ZDHHC17: variants seen among roughly 807,000 people sequenced by gnomAD.
The protein encoded by ZDHHC17 is zDHHC palmitoyltransferase 17, also known as palmitoyltransferase ZDHHC17.
Under a neutral mutation model 90.3 loss-of-function variants are expected in ZDHHC17, and 40 were observed. That is an observed-to-expected ratio of 0.44 (90% confidence interval 0.34 to 0.58). ZDHHC17 has a LOEUF of 0.58. ZDHHC17 is among the 20% of genes least tolerant of loss of function. The pLI, the probability that ZDHHC17 is intolerant of heterozygous loss-of-function variation, is 0.01. For synonymous variants in ZDHHC17, 235 were observed against 252.4 expected (o/e 0.93, Z 0.65); for missense variants, 614 against 780.8 (o/e 0.79, Z 2.55).
chr12:76,775,806 T>C (rs1243639275), intron 1 of ZDHHC17, among the ~76,000 whole-genome samples: 1 of 152,196 alleles, frequency 6.6e-6, no homozygotes. Context: ...GCATGTACAC[T>C]ATTGTTAATC....
chr12:76,808,540 G>A (rs957769310), intron 3 of ZDHHC17, among the ~76,000 whole-genome samples: 1 of 152,054 alleles, frequency 6.6e-6, no homozygotes, highest in Non-Finnish European at 1.5e-5. Context: ...TACTAAAGTT[G>A]CTATTTCCTT....
At chr12:76,810,008 A>G (rs894564862) in intron 5 of ZDHHC17, among the ~76,000 whole-genome samples, 151 bp downstream of exon 5, 1 of 152,244 alleles carries the variant, frequency 6.6e-6, no homozygotes, top group African/African-American at 2.4e-5. Flanking sequence ...ATATGGAGAT[A>G]TTTAATGTAC....
intron 10 of ZDHHC17, chr12:76,839,971 G>A (rs1247074955): frequency 1.3e-5 from 2 of 152,142 alleles, no homozygotes; most frequent in African/African-American, 4.8e-5. Context: ...AATAGCATAG[G>A]TCATATGAGT....
chr12:76,815,999 G>T lies in ZDHHC17; in HGVS notation c.751G>T (p.Val251Phe). 1.3e-6 allele frequency: 2 copies of T among 1,556,092 alleles called. No homozygotes were observed. Among genetic ancestry groups the T allele is most frequent in the Admixed American group, 2.0e-5 (1 of 50,066 alleles). The change falls in exon 7 of 17, where the codon GTT (valine) becomes TTT (phenylalanine). Residue 251 changes from valine to phenylalanine, a missense_variant. Val to Phe is a conservative substitution (Grantham distance 50). This residue lies in a region of ZDHHC17 where 358 missense variants were observed against 380.4 expected (regional missense o/e 0.94). Transcript: ENST00000426126. ...ISLLLEAGAN[V>F]DAQNIKGESA... ...CCTTCTTCTGGAAGCTGGAGCTAAT[G>T]TTGATGCCCAGAATATCAAGGTAAA...
chr12:76,848,192 T>C (rs1247583052), intron 14 of ZDHHC17, 41 bp from the exon 15 acceptor site: 2 of 1,607,548 alleles, frequency 1.2e-6, no homozygotes, highest in Non-Finnish European at 1.7e-6. Flanking sequence ...GGTGCTTGGA[T>C]GATTATTGAG....
chr12:76,850,834 G>A lies in ZDHHC17; in HGVS notation c.1761-13G>A. 6.2e-7 allele frequency: 1 copy of A among 1,610,454 alleles called. No homozygotes were observed. The highest frequency in any genetic ancestry group is 8.5e-7 in the Non-Finnish European group (1 of 1,178,736). ...CTGACTGACGTGTTTTCTTTTTGGGGTGCTGTTTTTAGCCATGGATGTGTA... is the reference window on the plus strand; with the variant it reads ...CTGACTGACGTGTTTTCTTTTTGGGATGCTGTTTTTAGCCATGGATGTGTA... On this transcript the variant is annotated splice_polypyrimidine_tract_variant and intron_variant, in intron 16 of 16. Coordinates refer to ENST00000426126, the MANE Select transcript of ZDHHC17 (RefSeq NM_015336.4).
rs1952996319 is a variant in ZDHHC17, at chr12:76,809,629, A to G, written c.399-84A>G. 7 of 1,142,440 alleles carry G rather than the reference A, an allele frequency of 6.1e-6. No individual in the cohort carries two copies. In the East Asian group the frequency reaches 2.1e-4, roughly 35 times the overall value. 70.8% of individuals were successfully genotyped at this position (1,142,440 alleles called of 1,614,324 possible). ...AAAATACATACGTAATCTTCCCACCATACCTTACTTGAAAAAGCTCTTCCC... is the reference window on the plus strand; with the variant it reads ...AAAATACATACGTAATCTTCCCACCGTACCTTACTTGAAAAAGCTCTTCCC... On this transcript the variant is annotated intron_variant, in intron 4 of 16. Coordinates refer to ENST00000426126, the MANE Select transcript of ZDHHC17 (RefSeq NM_015336.4).
At chr12:76,844,718 C>T (rs1953473550) in intron 12 of ZDHHC17, 1 of 152,188 alleles carries the variant, frequency 6.6e-6, no homozygotes, top group African/African-American at 2.4e-5. Flanking sequence ...GATGTAAGAA[C>T]TGTGTATTCA....
chr12:76,797,125 A>G (rs937551399), intron 1 of ZDHHC17, among the ~76,000 whole-genome samples: 1 of 152,026 alleles, frequency 6.6e-6, no homozygotes, highest in African/African-American at 2.4e-5. Flanking sequence ...TTAGCTGGGC[A>G]TGGTGGCACG....
At chr12:76,808,981 C>A in intron 3 of ZDHHC17, 62 bp from the exon 4 acceptor site, 1 of 1,140,242 alleles carries the variant, frequency 8.8e-7, no homozygotes, top group Non-Finnish European at 1.2e-6. Context: ...ACATATTTTT[C>A]ACAAAATTTC....
At chr12:76,849,711 T>C (rs910453657) in intron 16 of ZDHHC17, 2 of 288,888 alleles carry the variant, frequency 6.9e-6, no homozygotes, top group African/African-American at 4.5e-5. Context: ...TTCAGTCTGG[T>C]GCTTAGAAAT....
At chr12:76,841,555 CA>C (rs568612405) in intron 10 of ZDHHC17, among the ~76,000 whole-genome samples, 27 of 151,662 alleles carry the variant, frequency 1.8e-4, no homozygotes, top group African/African-American at 5.6e-4. Context: ...TCAGTGTGTT[CA>C]AAAAAAGGCA....
At chr12:76,790,461 C>G (rs1170609731) in intron 1 of ZDHHC17, among the ~76,000 whole-genome samples, 2 of 152,128 alleles carry the variant, frequency 1.3e-5, no homozygotes, top group East Asian at 3.9e-4. Flanking sequence ...AAGATCATAC[C>G]ACTGCACTTC....
At chr12:76,766,570 T>C (rs541360871) in intron 1 of ZDHHC17, among the ~76,000 whole-genome samples, 1 of 152,346 alleles carries the variant, frequency 6.6e-6, no homozygotes, top group African/African-American at 2.4e-5. Context: ...TTCTCTGTCT[T>C]GGTAAGTAAT....
Position 76,764,162 on chromosome 12 carries a change from G to T in ZDHHC17, c.-75G>T. On this transcript the variant is annotated 5_prime_UTR_variant, in exon 1 of 17. Transcript: ENST00000426126. The stretch of plus-strand genomic sequence containing the variant: ...GAGGAGGAGGCCCGCGTCGCCTCCG[G>T]CGGGGCTCGCGCTCGCCCCGCGCTC... 1 of 1,188,710 alleles carries T rather than the reference G, an allele frequency of 8.4e-7. No individual in the cohort carries two copies. Among genetic ancestry groups the T allele is most frequent in the Non-Finnish European group, 1.2e-6 (1 of 866,770 alleles). The allele number at this position is 1,188,710 out of a possible 1,614,324, so 73.6% of individuals were successfully genotyped here.
chr12:76,811,105 C>G (rs1282634145), intron 5 of ZDHHC17, among the ~76,000 whole-genome samples: 9 of 152,126 alleles, frequency 5.9e-5, no homozygotes, highest in African/African-American at 2.2e-4. Flanking sequence ...AGGTCTTGAA[C>G]TGACACAGCA....
Position 76,815,981 on chromosome 12 carries a change from C to T in ZDHHC17, c.733C>T (p.Leu245=). The T allele has an allele frequency of 2.6e-6, 4 of 1,567,346 alleles. No individual in the cohort carries two copies. The highest frequency in any genetic ancestry group is 2.6e-6 in the Non-Finnish European group (3 of 1,156,120). ...AGNTTVISLL[L]EAGANVDAQN... ...GAATACCACAGTCATTAGCCTTCTT[C>T]TGGAAGCTGGAGCTAATGTTGATGC... Residue 245 remains leucine (L), a synonymous_variant, in exon 7 of 17, where the codon CTG becomes TTG. Coordinates refer to ENST00000426126, the MANE Select transcript of ZDHHC17 (RefSeq NM_015336.4).
chr12:76,807,499 T>C (rs552312951), intron 3 of ZDHHC17, among the ~76,000 whole-genome samples: 122 of 152,304 alleles, frequency 8.0e-4, no homozygotes, highest in Non-Finnish European at 1.6e-3. Flanking sequence ...AGGCTCAAGA[T>C]TAAGAATTGT....
intron 1 of ZDHHC17, among the ~76,000 whole-genome samples, chr12:76,780,123 G>A (rs1001133954): frequency 1.3e-5 from 2 of 151,818 alleles, no homozygotes; most frequent in African/African-American, 4.8e-5. Context: ...TTGTTTTAGC[G>A]GTTTGTTTTC....
Sources: allele counts gnomAD v4.1 joint callset (sites outside exome capture counted in the v4.1 genomes callset), GRCh38; gene constraint gnomAD v4.1.1; regional missense constraint gnomAD v4.1.1; transcripts MANE v1.5; gene names NCBI Gene and HGNC (gene_info 2026-07-23, HGNC 2026-07-21).